ASTN2: variants seen among roughly 807,000 people sequenced by gnomAD.
ASTN2 encodes the protein astrotactin 2.
In ASTN2, 54 loss-of-function variants were observed where a neutral mutation model predicts 139.8. The observed-to-expected ratio is 0.39, with a 90% CI of 0.31 to 0.48. ASTN2 has a LOEUF of 0.48. Ranked by LOEUF, ASTN2 falls within the 20% of genes least tolerant of loss-of-function variation. The probability of loss-of-function intolerance (pLI) is 0.95; values close to 1 mark genes in which losing one functional copy is unlikely to be tolerated. For synonymous variants in ASTN2, 756 were observed against 719.5 expected (o/e 1.05, Z -0.81); for missense variants, 1,565 against 1,725.1 (o/e 0.91, Z 1.64).
intron 17 of ASTN2, among the ~76,000 whole-genome samples, chr9:116,639,097 T>C (rs1163367971): frequency 6.6e-6 from 1 of 152,234 alleles, no homozygotes; most frequent in Non-Finnish European, 1.5e-5. Context: ...TATTATATTC[T>C]CTCTACCTTT....
At chr9:117,365,702 A>G (rs1051816788) in intron 1 of ASTN2, among the ~76,000 whole-genome samples, 8 of 152,130 alleles carry the variant, frequency 5.3e-5, no homozygotes, top group African/African-American at 1.9e-4. Flanking sequence ...ATATTTGACA[A>G]AGCAATGCTA....
intron 3 of ASTN2, among the ~76,000 whole-genome samples, chr9:117,164,055 T>G (rs939536070): frequency 2.6e-5 from 4 of 151,688 alleles, no homozygotes; most frequent in Non-Finnish European, 5.9e-5. Context: ...TTGAGTTCAG[T>G]GATTTTTTGA....
chr9:116,794,272 A>G (rs1227546358), intron 13 of ASTN2, among the ~76,000 whole-genome samples: 3 of 151,600 alleles, frequency 2.0e-5, no homozygotes, highest in East Asian at 1.9e-4. Flanking sequence ...CTAATTTTGT[A>G]TTTTTAGTAG....
intron 7 of ASTN2, among the ~76,000 whole-genome samples, chr9:116,999,177 T>C (rs996940971): frequency 2.0e-5 from 3 of 152,202 alleles, no homozygotes; most frequent in African/African-American, 4.8e-5. Flanking sequence ...GTTTCAATCA[T>C]ACTTACATGC....
chr9:116,758,862 A>G (rs564823625), intron 13 of ASTN2, among the ~76,000 whole-genome samples: 2 of 152,138 alleles, frequency 1.3e-5, no homozygotes, highest in South Asian at 2.1e-4. Flanking sequence ...ACACAAACAC[A>G]TGTTGGATAA....
At chr9:117,076,910 G>C (rs945563958) in intron 5 of ASTN2, among the ~76,000 whole-genome samples, 1 of 152,050 alleles carries the variant, frequency 6.6e-6, no homozygotes, top group Non-Finnish European at 1.5e-5. Flanking sequence ...ATCTGATCCA[G>C]CCTTACTGGG....
intron 2 of ASTN2, among the ~76,000 whole-genome samples, chr9:117,274,111 G>A (rs1258830167): frequency 6.6e-6 from 1 of 152,150 alleles, no homozygotes; most frequent in Non-Finnish European, 1.5e-5. Flanking sequence ...AGCACTTTGG[G>A]AGGCCAAGGC....
chr9:116,616,118 A>G lies in ASTN2; in HGVS notation c.3355+2206T>C, dbSNP rs559914352. 7.9e-5 allele frequency among the ~76,000 whole-genome samples: 12 copies of G among 152,350 alleles called. No homozygotes were observed. In the South Asian group the frequency reaches 1.5e-3, roughly 18 times the overall value. ...TCATCAAAATTGGAAAGAAAGAAAT[A>G]TAATTGTCTCTGTATGCAGATGACA... On this transcript the variant is annotated intron_variant, in intron 19 of 22. Transcript: ENST00000313400.
chr9:117,386,688 C>G (rs1258545607), intron 1 of ASTN2, among the ~76,000 whole-genome samples: 1 of 152,036 alleles, frequency 6.6e-6, no homozygotes, highest in African/African-American at 2.4e-5. Context: ...CAGGTGAATG[C>G]CTCCCTCTCT....
chr9:116,810,236 TTGG>T (rs369419232), intron 12 of ASTN2, among the ~76,000 whole-genome samples: 48 of 152,308 alleles, frequency 3.2e-4, no homozygotes, highest in African/African-American at 1.0e-3. Flanking sequence ...TTTAAAACAT[TTGG>T]TGAAGTTTTT....
intron 1 of ASTN2, among the ~76,000 whole-genome samples, chr9:117,356,771 A>G (rs1234054418): frequency 2.0e-5 from 3 of 152,200 alleles, no homozygotes; most frequent in Non-Finnish European, 4.4e-5. Flanking sequence ...AAAGATAAAG[A>G]ATTGAGTATG....
chr9:116,682,626 C>T (rs984449293), intron 16 of ASTN2, among the ~76,000 whole-genome samples: 2 of 151,984 alleles, frequency 1.3e-5, no homozygotes, highest in African/African-American at 4.8e-5. Context: ...GGAACCAACC[C>T]AAATGTCCAA....
chr9:117,048,540 G>C (rs929080207), intron 5 of ASTN2, among the ~76,000 whole-genome samples: 3 of 152,184 alleles, frequency 2.0e-5, no homozygotes, highest in African/African-American at 7.2e-5. Context: ...AGCTGACATG[G>C]AATGGGGCTA....
intron 3 of ASTN2, among the ~76,000 whole-genome samples, chr9:117,143,826 A>C (rs1830130722): frequency 6.6e-6 from 1 of 150,588 alleles, no homozygotes; most frequent in Non-Finnish European, 1.5e-5. Flanking sequence ...GAAAAAAAAA[A>C]CCTCTCCCTT....
rs145776442 is a variant in ASTN2, at chr9:116,460,649, T to C, written c.3498-18096A>G. ...GCTATGGCTTTTTAAAATTTGTAAA[T>C]GTAGGATCCGAGGATTGCAAAGGAA... On this transcript the variant is annotated intron_variant, in intron 20 of 22. Transcript: ENST00000313400. Among the ~76,000 whole-genome samples, 157 of 152,248 alleles carry C rather than the reference T, an allele frequency of 1.0e-3. 4 individuals are homozygous for C. In the East Asian group the frequency reaches 0.028, roughly 27 times the overall value.
intron 3 of ASTN2, chr9:117,181,017 C>G (rs1831050253): frequency 6.3e-7 from 1 of 1,588,714 alleles, no homozygotes; most frequent in African/African-American, 1.3e-5. Flanking sequence ...CTGTTTGGAG[C>G]CTGCACTGGG....
chr9:117,028,373 G>A (rs778238745), intron 6 of ASTN2, among the ~76,000 whole-genome samples: 7 of 152,164 alleles, frequency 4.6e-5, no homozygotes, highest in African/African-American at 1.4e-4. Context: ...GAATGTGCTG[G>A]GGAGAAAAGC....
At chr9:116,760,626 T>C (rs926127251) in intron 13 of ASTN2, among the ~76,000 whole-genome samples, 5 of 152,118 alleles carry the variant, frequency 3.3e-5, no homozygotes, top group African/African-American at 1.2e-4. Context: ...GCTGGGCCTC[T>C]GCTGTTGGTT....
At chr9:116,851,821 C>T (rs992363151) in intron 11 of ASTN2, among the ~76,000 whole-genome samples, 1 of 152,138 alleles carries the variant, frequency 6.6e-6, no homozygotes, top group African/African-American at 2.4e-5. Context: ...GAAAGAACAG[C>T]TCTGCAGAGT....
Sources: gnomAD v4.1 joint callset for allele counts (sites outside exome capture counted in the v4.1 genomes callset) on GRCh38, gnomAD v4.1.1 for gene constraint, MANE v1.5 for transcripts, NCBI Gene and HGNC (gene_info 2026-07-23, HGNC 2026-07-21) for gene names.